Variants in MKX observed in about 807,000 individuals in gnomAD.
The protein encoded by MKX is mohawk homeobox.
Under a neutral mutation model 36.0 loss-of-function variants are expected in MKX, and 13 were observed. The ratio of observed to expected loss-of-function variants is 0.36; its 90% CI spans 0.24 to 0.57. MKX has a LOEUF of 0.57. MKX is among the 20% of genes least tolerant of loss of function. The pLI is 0.79. For synonymous variants in MKX, 176 were observed against 178.3 expected (o/e 0.99, Z 0.10); for missense variants, 458 against 456.4 (o/e 1.00, Z -0.03).
intron 5 of MKX, among the ~76,000 whole-genome samples, chr10:27,676,799 C>T (rs1836161007): frequency 6.6e-6 from 1 of 152,162 alleles, no homozygotes; most frequent in Non-Finnish European, 1.5e-5. Flanking sequence ...TTAGAAGAAG[C>T]AGGCATTGGT....
rs1168902938 is a variant in MKX, at chr10:27,742,775, C to A, written c.188+453G>T. On this transcript the variant is annotated intron_variant, in intron 2 of 6. Coordinates refer to ENST00000419761, the MANE Select transcript of MKX (RefSeq NM_173576.3). This position sits in a 1 kb window ranked among gnomAD's most constrained non-coding sequence, Gnocchi z 4.2. ...TCCCGACTCCTTGGGCCAGGCGAGC[C>A]GCGGGGCTCTGGCGAGGGGCTCGAG... Among the ~76,000 whole-genome samples, 1 of 152,080 alleles carries A rather than the reference C, an allele frequency of 6.6e-6. No homozygotes were observed. Among genetic ancestry groups the A allele is most frequent in the African/African-American group, 2.4e-5 (1 of 41,446 alleles).
At chr10:27,745,340 C>G (rs186235322) in intron 1 of MKX, 1 of 152,474 alleles carries the variant, frequency 6.6e-6, no homozygotes, top group Non-Finnish European at 1.5e-5. Flanking sequence ...GCAAGGGGTC[C>G]GGGGGCGTGT....
intron 5 of MKX, 58 bp from the exon 6 acceptor site, chr10:27,675,612 C>T: frequency 6.6e-7 from 1 of 1,520,254 alleles, no homozygotes; most frequent in Non-Finnish European, 9.0e-7. Flanking sequence ...TTTCTCATCT[C>T]AGGAGTTTCA....
intron 5 of MKX, among the ~76,000 whole-genome samples, chr10:27,711,685 C>G (rs570762241): frequency 6.6e-6 from 1 of 151,574 alleles, no homozygotes; most frequent in African/African-American, 2.4e-5. Context: ...GACCCTGCTG[C>G]CTCAATCCCT....
intron 5 of MKX, among the ~76,000 whole-genome samples, chr10:27,701,913 A>G (rs1836666071): frequency 6.6e-6 from 1 of 151,732 alleles, no homozygotes; most frequent in Non-Finnish European, 1.5e-5. Flanking sequence ...CACACACAAA[A>G]AGAAGGAATA....
chr10:27,744,114 T>C lies in MKX; in HGVS notation c.-82-617A>G, dbSNP rs895864155. ...CCGCCAAGGTCCCCCGGGGTGAGGT[T>C]GGGTTCAAGGACAGGAAAAAGTTAA... On this transcript the variant is annotated intron_variant, in intron 1 of 6. Coordinates refer to ENST00000419761, the MANE Select transcript of MKX (RefSeq NM_173576.3). The surrounding 1 kb of genome is among the most constrained non-coding windows in gnomAD (Gnocchi z 5.6). 2.6e-5 allele frequency among the ~76,000 whole-genome samples: 4 copies of C among 152,008 alleles called. No homozygotes were observed. The highest frequency in any genetic ancestry group is 5.9e-5 in the Non-Finnish European group (4 of 68,012).
intron 5 of MKX, among the ~76,000 whole-genome samples, chr10:27,710,445 C>A (rs1039058925): frequency 1.3e-5 from 2 of 152,186 alleles, no homozygotes; most frequent in African/African-American, 4.8e-5. Context: ...ATGAGAGGGA[C>A]ACACTCCCCA....
intron 3 of MKX, among the ~76,000 whole-genome samples, chr10:27,737,905 C>A (rs556469493): frequency 2.4e-4 from 36 of 152,084 alleles, no homozygotes; most frequent in Non-Finnish European, 4.7e-4. Flanking sequence ...AATGCAATGG[C>A]CTTCTAATTT....
At chr10:27,676,745 C>G (rs910485917) in intron 5 of MKX, among the ~76,000 whole-genome samples, 1 of 152,096 alleles carries the variant, frequency 6.6e-6, no homozygotes, top group Non-Finnish European at 1.5e-5. Context: ...AAATGAGTAA[C>G]GGACCCAATG....
At chr10:27,740,520 T>C (rs1834870610) in intron 3 of MKX, among the ~76,000 whole-genome samples, 1 of 152,214 alleles carries the variant, frequency 6.6e-6, no homozygotes, top group South Asian at 2.1e-4. Flanking sequence ...TTATGTCAAG[T>C]GTAAAATTCT....
At chr10:27,680,029 G>T (rs553030869) in intron 5 of MKX, among the ~76,000 whole-genome samples, 99 of 152,230 alleles carry the variant, frequency 6.5e-4, no homozygotes, top group African/African-American at 2.3e-3. Context: ...GCACCTAGTA[G>T]CTCCAGAAAC....
intron 5 of MKX, among the ~76,000 whole-genome samples, chr10:27,676,296 G>A (rs1327238739): frequency 8.1e-6 from 1 of 123,752 alleles, no homozygotes; most frequent in Non-Finnish European, 1.6e-5. Context: ...AATAAAAAAG[G>A]GGGGGGTTCT....
At chr10:27,706,545 C>CTGTGTGTGTG (rs60800576) in intron 5 of MKX, among the ~76,000 whole-genome samples, 54 of 144,988 alleles carry the variant, frequency 3.7e-4, no homozygotes, top group South Asian at 9.2e-4. Context: ...TCGTTAATTC[C>CTGTGTGTGTG]TGTGTGTGTG....
intron 4 of MKX, 36 bp downstream of exon 4, chr10:27,735,185 C>A: frequency 1.3e-6 from 2 of 1,506,796 alleles, no homozygotes; most frequent in Admixed American, 2.2e-5. Flanking sequence ...CTAATAGAGG[C>A]AAAACAAAGA....
In MKX at chr10:27,743,474, G is replaced by A; in HGVS notation, c.-59C>T. The A allele has an allele frequency of 6.9e-7, 1 of 1,454,974 alleles. No individual in the cohort carries two copies. The highest frequency in any genetic ancestry group is 1.4e-5 in the South Asian group (1 of 70,654). 90.1% of individuals were successfully genotyped at this position (1,454,974 alleles called of 1,614,324 possible). ...CAGAGCCTCGGGGCTGGGCCGCCGG[G>A]AGCTCCGCAGCGGGGCTCGGCTTCT... On this transcript the variant is annotated 5_prime_UTR_variant, in exon 2 of 7. Transcript: ENST00000419761.
At chr10:27,679,481 C>T (rs1458772812) in intron 5 of MKX, among the ~76,000 whole-genome samples, 4 of 152,198 alleles carry the variant, frequency 2.6e-5, no homozygotes, top group African/African-American at 7.2e-5. Flanking sequence ...TTTCCTGAGG[C>T]TGTTACTGGT....
chr10:27,705,612 C>T (rs1227871356), intron 5 of MKX, among the ~76,000 whole-genome samples: 1 of 152,186 alleles, frequency 6.6e-6, no homozygotes, highest in Admixed American at 6.5e-5. Context: ...ACTTCGGCCT[C>T]CCAGAGTTCT....
intron 5 of MKX, among the ~76,000 whole-genome samples, chr10:27,698,196 G>A (rs546450315): frequency 1.7e-4 from 26 of 152,284 alleles, no homozygotes; most frequent in East Asian, 5.8e-4. Context: ...AAAATGAACC[G>A]AGAGAGATCA....
At chr10:27,697,689 G>C (rs896419369) in intron 5 of MKX, among the ~76,000 whole-genome samples, 1 of 152,200 alleles carries the variant, frequency 6.6e-6, no homozygotes, top group Non-Finnish European at 1.5e-5. Context: ...AACATTTACT[G>C]AATGTGTGCT....
Sources: allele counts gnomAD v4.1 joint callset (sites outside exome capture counted in the v4.1 genomes callset), GRCh38; gene constraint gnomAD v4.1.1; non-coding constraint Gnocchi (gnomAD v3.1); transcripts MANE v1.5; gene names NCBI Gene and HGNC (gene_info 2026-07-23, HGNC 2026-07-21).